Variants in TMEM132D observed in about 807,000 individuals in gnomAD.
The protein encoded by TMEM132D is transmembrane protein 132D.
Under a neutral mutation model 62.3 loss-of-function variants are expected in TMEM132D, and 21 were observed. The ratio of observed to expected loss-of-function variants is 0.34; its 90% confidence interval spans 0.24 to 0.49. The LOEUF (loss-of-function observed/expected upper bound fraction) is 0.49. Among genes scored for constraint, TMEM132D ranks in the 20% least tolerant of loss-of-function variants. The pLI is 0.99. For synonymous variants in TMEM132D, 621 were observed against 575.6 expected, an observed-to-expected ratio of 1.08 and a Z score of -1.13; for missense variants, 1,346 against 1,402.8, an observed-to-expected ratio of 0.96 and a Z score of 0.65.
intron 4 of TMEM132D, among the ~76,000 whole-genome samples, chr12:129,303,691 G>A (rs936635380): frequency 5.9e-5 from 9 of 152,108 alleles, no homozygotes; most frequent in African/African-American, 1.4e-4. Flanking sequence ...AGATGTGTAC[G>A]AGAAGATTTG....
At chr12:129,111,427 A>G (rs528774182) in intron 5 of TMEM132D, 1 of 152,390 alleles carries the variant, frequency 6.6e-6, no homozygotes, top group East Asian at 1.9e-4. Flanking sequence ...CAGCAGCCCC[A>G]GAAAATGGAA....
At chr12:129,313,040 T>C (rs568980969) in intron 4 of TMEM132D, among the ~76,000 whole-genome samples, 22 of 152,296 alleles carry the variant, frequency 1.4e-4, no homozygotes, top group African/African-American at 5.1e-4. Flanking sequence ...TCCAGGAATA[T>C]GTTTGGAACA....
chr12:129,635,057 G>A (rs1457119429), intron 2 of TMEM132D, among the ~76,000 whole-genome samples: 1 of 152,098 alleles, frequency 6.6e-6, no homozygotes, highest in Non-Finnish European at 1.5e-5. Flanking sequence ...TACATCATTA[G>A]CATATATGTA....
intron 1 of TMEM132D, among the ~76,000 whole-genome samples, chr12:129,862,398 G>A (rs1395973084): frequency 1.1e-4 from 16 of 152,204 alleles, no homozygotes; most frequent in African/African-American, 7.2e-5. Context: ...GAGCGAAGGC[G>A]TTTTCCAGGG....
At chr12:129,746,977 C>G (rs1438085457) in intron 1 of TMEM132D, among the ~76,000 whole-genome samples, 3 of 152,152 alleles carry the variant, frequency 2.0e-5, no homozygotes, top group Non-Finnish European at 4.4e-5. Context: ...CTTCTCTGGC[C>G]CCGTCTCTCA....
chr12:129,513,998 T>G (rs561553203), intron 3 of TMEM132D, among the ~76,000 whole-genome samples: 15 of 149,054 alleles, frequency 1.0e-4, no homozygotes, highest in Admixed American at 6.7e-4. Context: ...CCACCACGCC[T>G]GGCTAATTTT....
chr12:129,747,390 A>G (rs1037015346), intron 1 of TMEM132D, among the ~76,000 whole-genome samples: 1 of 150,284 alleles, frequency 6.7e-6, no homozygotes, highest in Non-Finnish European at 1.5e-5. Flanking sequence ...TGAAAGCTCC[A>G]CACACACACT....
intron 1 of TMEM132D, among the ~76,000 whole-genome samples, chr12:129,819,395 G>A (rs1872478701): frequency 6.6e-6 from 1 of 152,046 alleles, no homozygotes; most frequent in Non-Finnish European, 1.5e-5. Flanking sequence ...TACCATATAC[G>A]ATTTACTTTA....
intron 1 of TMEM132D, among the ~76,000 whole-genome samples, chr12:129,813,571 C>T (rs1872251800): frequency 6.8e-6 from 1 of 146,802 alleles, no homozygotes; most frequent in African/African-American, 2.5e-5. Flanking sequence ...ATGGAATCAA[C>T]TTAAGTGCCC....
intron 2 of TMEM132D, among the ~76,000 whole-genome samples, chr12:129,570,545 G>A (rs1265642995): frequency 1.3e-5 from 2 of 152,196 alleles, no homozygotes; most frequent in Non-Finnish European, 2.9e-5. Context: ...ACCTCTGGGA[G>A]CAGGTGTGAA....
chr12:129,225,217 A>G (rs1020140940), intron 4 of TMEM132D, among the ~76,000 whole-genome samples: 4 of 152,344 alleles, frequency 2.6e-5, no homozygotes, highest in African/African-American at 9.6e-5. Flanking sequence ...GGTTATTGCC[A>G]TGACTGGCGC....
chr12:129,344,814 C>T (rs1054938945), intron 3 of TMEM132D, among the ~76,000 whole-genome samples: 6 of 151,958 alleles, frequency 3.9e-5, no homozygotes, highest in African/African-American at 9.7e-5. Context: ...ACGTGCCTCC[C>T]GATTTCCGTC....
At chr12:129,418,254 A>T (rs1306884369) in intron 3 of TMEM132D, among the ~76,000 whole-genome samples, 1 of 152,222 alleles carries the variant, frequency 6.6e-6, no homozygotes, top group Admixed American at 6.5e-5. Context: ...ATAAAGACAC[A>T]TACACGTGTA....
intron 4 of TMEM132D, among the ~76,000 whole-genome samples, chr12:129,303,817 T>C (rs1345122531): frequency 7.1e-6 from 1 of 141,192 alleles, no homozygotes; most frequent in Non-Finnish European, 1.5e-5. Context: ...TCCTGAGAAC[T>C]GTGGGTGGGT....
At chr12:129,242,122 C>T (rs1041785707) in intron 4 of TMEM132D, among the ~76,000 whole-genome samples, 4 of 152,176 alleles carry the variant, frequency 2.6e-5, no homozygotes, top group African/African-American at 7.2e-5. Context: ...AACCATAATG[C>T]CCTTCCAAAA....
intron 1 of TMEM132D, among the ~76,000 whole-genome samples, chr12:129,899,516 G>A (rs538785899): frequency 3.3e-5 from 5 of 152,098 alleles, no homozygotes; most frequent in Admixed American, 6.5e-5. Flanking sequence ...ATGAATGAAC[G>A]GGTGGATGGA....
chr12:129,874,592 T>TA (rs34854402), intron 1 of TMEM132D, among the ~76,000 whole-genome samples: 46,393 of 130,120 alleles, frequency 0.36, 8,363 homozygotes, highest in East Asian at 0.62. Flanking sequence ...AAAGCTAGGT[T>TA]AAAAAAAAAA....
intron 3 of TMEM132D, among the ~76,000 whole-genome samples, chr12:129,340,227 T>C (rs570546244): frequency 4.1e-4 from 62 of 152,346 alleles, no homozygotes; most frequent in African/African-American, 1.4e-3. Context: ...CCAGCCAAGA[T>C]GTAAAAGCAA....
chr12:129,435,207 C>T (rs1872757495), intron 3 of TMEM132D, among the ~76,000 whole-genome samples: 1 of 152,064 alleles, frequency 6.6e-6, no homozygotes. Context: ...ATGTGTTAAT[C>T]CATTGATCTG....
Sources: gnomAD v4.1 joint callset for allele counts (sites outside exome capture counted in the v4.1 genomes callset) on GRCh38, gnomAD v4.1.1 for gene constraint, MANE v1.5 for transcripts, NCBI Gene and HGNC (gene_info 2026-07-23, HGNC 2026-07-21) for gene names.